The following CFAP57 variants were observed in gnomAD, a reference collection of about 807,000 sequenced individuals.
CFAP57 encodes the protein cilia and flagella associated protein 57.
A neutral mutation model predicts 146.8 loss-of-function variants in CFAP57; 116 were observed. The ratio of observed to expected loss-of-function variants is 0.79; its 90% CI spans 0.68 to 0.92. CFAP57 has a LOEUF of 0.92. Among genes scored for constraint, CFAP57 ranks in the 40% least tolerant of loss-of-function variants. CFAP57 has a pLI of 0.00. For synonymous variants in CFAP57, 518 were observed against 552.8 expected, an observed-to-expected ratio of 0.94 and a Z score of 0.88; for missense variants, 1,377 against 1,527.2, an observed-to-expected ratio of 0.90 and a Z score of 1.64.
In CFAP57 at chr1:43,181,626, A is replaced by T. The variant is rs376479524; in HGVS notation, c.250A>T (p.Ile84Phe). The change falls in exon 3 of 23, where the codon ATC (isoleucine) becomes TTC (phenylalanine). Residue 84 changes from isoleucine to phenylalanine, a missense_variant. Ile to Phe is a conservative substitution (Grantham distance 21, BLOSUM62 0). Transcript: ENST00000372492. ...TGAGACTGTGCAAGAAAAACCTGCC[A>T]TCACCATTTATGAATTGTCATCCAT... Reference protein sequence around the residue: ...ISETVQEKPAITIYELSSIPC... With the variant: ...ISETVQEKPAFTIYELSSIPC... The T allele has an allele frequency of 1.2e-6, 2 of 1,614,110 alleles. No individual in the cohort carries two copies. Among genetic ancestry groups the T allele is most frequent in the Non-Finnish European group, 1.7e-6 (2 of 1,180,048 alleles).
chr1:43,189,918 A>ACTT (rs1643390624), intron 6 of CFAP57, among the ~76,000 whole-genome samples: 1 of 152,342 alleles, frequency 6.6e-6, no homozygotes, highest in African/African-American at 2.4e-5. Context: ...AGGGGATGTC[A>ACTT]CTAAACCATT....
At chr1:43,231,090 C>A (rs1645448498) in intron 18 of CFAP57, among the ~76,000 whole-genome samples, 1 of 152,200 alleles carries the variant, frequency 6.6e-6, no homozygotes, top group African/African-American at 2.4e-5. Flanking sequence ...TCTCCTTTGT[C>A]CACCACACTT....
At chr1:43,230,567 C>T (rs749887053) in intron 18 of CFAP57, among the ~76,000 whole-genome samples, 1 of 152,302 alleles carries the variant, frequency 6.6e-6, no homozygotes, top group East Asian at 1.9e-4. Context: ...AATCCCTGCT[C>T]CTGCAGCCAC....
chr1:43,244,323 T>A (rs1646033895), intron 22 of CFAP57, among the ~76,000 whole-genome samples: 1 of 152,230 alleles, frequency 6.6e-6, no homozygotes, highest in Non-Finnish European at 1.5e-5. Context: ...AGTTGTCTCT[T>A]GTCCCATGGT....
chr1:43,221,073 T>C (rs562585134), intron 13 of CFAP57, among the ~76,000 whole-genome samples: 2 of 152,042 alleles, frequency 1.3e-5, no homozygotes, highest in African/African-American at 4.8e-5. Context: ...AGGATTCAAA[T>C]GAATCCCTAC....
Position 43,201,371 on chromosome 1 carries a change from G to C in CFAP57, c.1542+1868G>C, listed in dbSNP as rs930669742. Among the ~76,000 whole-genome samples, 3 of 152,250 alleles carry C rather than the reference G, an allele frequency of 2.0e-5. No homozygotes were observed. Among genetic ancestry groups the C allele is most frequent in the African/African-American group, 7.2e-5 (3 of 41,466 alleles). On this transcript the variant is annotated intron_variant, in intron 9 of 22. Coordinates refer to ENST00000372492, the MANE Select transcript of CFAP57 (RefSeq NM_001378189.1). This position sits in a 1 kb window ranked among gnomAD's most constrained non-coding sequence, Gnocchi z 4.4. ...AAGGTTGAAGTGGTCAGTGGTACTAGATGTCAGAGGGAGGTCATGTAAAGT... is the reference window on the plus strand; with the variant it reads ...AAGGTTGAAGTGGTCAGTGGTACTACATGTCAGAGGGAGGTCATGTAAAGT...
At chr1:43,227,187 G>A in intron 18 of CFAP57, 61 bp downstream of exon 18, 2 of 1,444,480 alleles carry the variant, frequency 1.4e-6, no homozygotes, top group South Asian at 1.5e-5. Context: ...TCCACAATTG[G>A]CTAGCTGGCC....
intron 22 of CFAP57, among the ~76,000 whole-genome samples, chr1:43,247,570 C>T (rs1393151631): frequency 1.3e-5 from 2 of 152,172 alleles, no homozygotes; most frequent in African/African-American, 2.4e-5. Flanking sequence ...ACTGCCAAAC[C>T]GCCAATGCAT....
At chr1:43,177,181 G>T in intron 2 of CFAP57, 1 of 456,352 alleles carries the variant, frequency 2.2e-6, no homozygotes, top group Non-Finnish European at 4.4e-6. Flanking sequence ...GAAGCAGGGA[G>T]AACAGCTGAG....
chr1:43,229,044 T>A (rs538611386), intron 18 of CFAP57, among the ~76,000 whole-genome samples: 1 of 148,410 alleles, frequency 6.7e-6, no homozygotes, highest in South Asian at 2.2e-4. Flanking sequence ...GTTTCACCAT[T>A]GGAATTTGGG....
At chr1:43,220,774 TTAATGTC>T (rs1185856600) in intron 13 of CFAP57, among the ~76,000 whole-genome samples, 2 of 148,618 alleles carry the variant, frequency 1.3e-5, no homozygotes, top group East Asian at 2.0e-4. Flanking sequence ...ATTTGTTTCT[TTAATGTC>T]TATGGGTCAT....
At chr1:43,240,262 G>C (rs527236966) in intron 21 of CFAP57, among the ~76,000 whole-genome samples, 1 of 152,044 alleles carries the variant, frequency 6.6e-6, no homozygotes, top group African/African-American at 2.4e-5. Flanking sequence ...CAGCAGGACA[G>C]CTCTAGAGAC....
rs1375808473 is a variant in CFAP57, at chr1:43,181,590, C to T, written c.214C>T (p.Leu72Phe). ...ALSISPNRRY[L>F]AISETVQEKP... ...GTCCATCAGTCCCAATCGGCGGTAC[C>T]TCGCTATCTCTGAGACTGTGCAAGA... Residue 72 changes from leucine (L) to phenylalanine (F), a missense_variant, in exon 3 of 23, where the codon CTC becomes TTC. Leu to Phe is a conservative substitution (Grantham distance 22). Coordinates refer to ENST00000372492, the MANE Select transcript of CFAP57 (RefSeq NM_001378189.1). 1 of 1,614,230 alleles carries T rather than the reference C, an allele frequency of 6.2e-7. No individual in the cohort carries two copies. The highest frequency in any genetic ancestry group is 1.7e-5 in the Admixed American group (1 of 60,032).
intron 6 of CFAP57, among the ~76,000 whole-genome samples, chr1:43,191,871 T>G (rs1643558440): frequency 6.6e-6 from 1 of 151,798 alleles, no homozygotes; most frequent in Admixed American, 6.6e-5. Flanking sequence ...TTTGAAAATG[T>G]AGGTATTTGC....
rs1321148661 is a variant in CFAP57 at position 43,221,465 on chromosome 1, G to T, written c.2341G>T (p.Glu781Ter). ...GCAAAGCCGGGAACTGCAGGACATG[G>T]GTGAGCCCACAAGTAGAGGCCTCGT... ...DKQSRELQDMECCNNQKLLLE... is the reference protein window; with the variant it reads ...DKQSRELQDM The change falls in exon 14 of 23, where the codon GAA becomes TAA. Residue 781 changes from glutamate (E) to a stop codon, truncating the protein, a stop_gained and splice_region_variant. Transcript: ENST00000372492. LOFTEE classifies it high-confidence loss of function. 5.9e-6 allele frequency: 9 copies of T among 1,520,982 alleles called. No homozygotes were observed. Among genetic ancestry groups the T allele is most frequent in the Non-Finnish European group, 7.9e-6 (9 of 1,133,802 alleles). The allele number at this position is 1,520,982 out of a possible 1,614,324, so 94.2% of individuals were successfully genotyped here. A position where few individuals can be genotyped will look rare whatever the true frequency, so the allele number is the denominator to read the frequency against.
intron 12 of CFAP57, among the ~76,000 whole-genome samples, chr1:43,216,665 A>G (rs1006059293): frequency 1.3e-5 from 2 of 151,654 alleles, no homozygotes; most frequent in African/African-American, 4.8e-5. Context: ...TTGTGACCAC[A>G]CTCTGTTCCC....
Position 43,198,639 on chromosome 1 carries a change from G to A in CFAP57, c.1421G>A (p.Cys474Tyr). 1 of 1,604,138 alleles carries A rather than the reference G, an allele frequency of 6.2e-7. No homozygotes were observed. The highest frequency in any genetic ancestry group is 8.5e-7 in the Non-Finnish European group (1 of 1,175,378). Residue 474 changes from cysteine to tyrosine, a missense_variant, in exon 8 of 23, where the codon TGC (cysteine) becomes TAC (tyrosine). Coordinates refer to ENST00000372492, the MANE Select transcript of CFAP57 (RefSeq NM_001378189.1). Reference protein sequence around the residue: ...RSFKEYSVRGCGECSFSNGGH... With the variant: ...RSFKEYSVRGYGECSFSNGGH... Reference sequence around the variant, plus strand: ...TTCAAAGAATACTCTGTTAGAGGATGCGGAGAGGTAAAAAAAAAACTGCTG... The same window carrying A: ...TTCAAAGAATACTCTGTTAGAGGATACGGAGAGGTAAAAAAAAAACTGCTG...
chr1:43,236,260 T>G (rs1484802865), intron 21 of CFAP57, among the ~76,000 whole-genome samples: 1 of 150,366 alleles, frequency 6.7e-6, no homozygotes, highest in African/African-American at 2.5e-5. Flanking sequence ...GGGTGGGGGG[T>G]GTGTGGCAGG....
At chr1:43,224,302 G>A (rs768730251) in intron 17 of CFAP57, 98 bp downstream of exon 17, 92 of 1,358,892 alleles carry the variant, frequency 6.8e-5, no homozygotes, top group Non-Finnish European at 7.8e-5. Flanking sequence ...TTCTCAGGAC[G>A]CATTTCTTTA....
Sources: allele counts gnomAD v4.1 joint callset (sites outside exome capture counted in the v4.1 genomes callset), GRCh38; gene constraint gnomAD v4.1.1; non-coding constraint Gnocchi (gnomAD v3.1); transcripts MANE v1.5; gene names NCBI Gene and HGNC (gene_info 2026-07-23, HGNC 2026-07-21).